CERS3: variants seen among roughly 807,000 people sequenced by gnomAD.
The protein encoded by CERS3 is ceramide synthase 3.
In CERS3, 33 loss-of-function variants were observed where a neutral mutation model predicts 50.3. The ratio of observed to expected loss-of-function variants is 0.66; its 90% CI spans 0.50 to 0.88. The LOEUF is 0.88. Among genes scored for constraint, CERS3 ranks in the 40% least tolerant of loss-of-function variants. The pLI is 0.00. For synonymous variants in CERS3, 176 were observed against 155.2 expected (o/e 1.13, Z -0.99); for missense variants, 470 against 460.3 (o/e 1.02, Z -0.19).
chr15:100,518,333 GAGAGAGAAGGAC>G lies in CERS3; in HGVS notation c.-2+3322_-2+3333del, dbSNP rs916654724. 1.9e-4 allele frequency among the ~76,000 whole-genome samples: 29 copies of G among 152,124 alleles called. 1 individual carries two copies. Among genetic ancestry groups the G allele is most frequent in the Non-Finnish European group, 5.9e-5 (4 of 68,030 alleles). On this transcript the variant is annotated intron_variant, in intron 2 of 11. Coordinates refer to ENST00000679737, the MANE Select transcript of CERS3 (RefSeq NM_001378789.1). Reference sequence around the variant, plus strand: ...TGAGAGAGAGAGACAGGGACACAGAGAGAGAGAAGGACAGAGAGAGAGAGAGCATGGCTCATA... The same window carrying G: ...TGAGAGAGAGAGACAGGGACACAGAGAGAGAGAGAGAGAGCATGGCTCATA...
intron 11 of CERS3, among the ~76,000 whole-genome samples, chr15:100,449,328 ATTG>A (rs1335814937): frequency 2.6e-5 from 4 of 152,164 alleles, no homozygotes; most frequent in African/African-American, 9.7e-5. Context: ...GAGCCAGAGG[ATTG>A]TTAAGTGACT....
rs137966802 is a variant in CERS3 at position 100,424,475 on chromosome 15, TG to T, written c.1000-21611del. ...AAAATGCTCATAGTGATAGGGACAGTGAAGTCCAAGCTGAGGAGGTCTCAGA... is the reference window on the plus strand; with the variant it reads ...AAAATGCTCATAGTGATAGGGACAGTAAGTCCAAGCTGAGGAGGTCTCAGA... On this transcript the variant is annotated intron_variant, in intron 11 of 11. Transcript: ENST00000679737. 5.2e-3 allele frequency among the ~76,000 whole-genome samples: 793 copies of T among 152,236 alleles called. 7 individuals are homozygous for T. The highest frequency in any genetic ancestry group is 0.018 in the African/African-American group (759 of 41,540).
chr15:100,443,713 T>TA (rs1421036101), intron 11 of CERS3, among the ~76,000 whole-genome samples: 4 of 147,670 alleles, frequency 2.7e-5, no homozygotes, highest in African/African-American at 9.9e-5. Context: ...CCTTACCTGT[T>TA]ACCTATCTTA....
chr15:100,449,266 T>C (rs1275743049), intron 11 of CERS3, among the ~76,000 whole-genome samples: 2 of 152,244 alleles, frequency 1.3e-5, no homozygotes, highest in African/African-American at 4.8e-5. Context: ...GCCTGGGGAC[T>C]GGCCGTCCTA....
intron 4 of CERS3, among the ~76,000 whole-genome samples, 200 bp downstream of exon 4, chr15:100,490,617 G>A (rs1308896087): frequency 6.6e-6 from 1 of 152,096 alleles, no homozygotes; most frequent in African/African-American, 2.4e-5. Context: ...GTTAATATTT[G>A]TTATTTTATA....
chr15:100,506,953 CA>C (rs1244035046), intron 2 of CERS3, among the ~76,000 whole-genome samples: 1 of 151,906 alleles, frequency 6.6e-6, no homozygotes, highest in Non-Finnish European at 1.5e-5. Context: ...ATTATACCTC[CA>C]AAAAAATAAA....
chr15:100,508,721 T>C (rs2036254821), intron 2 of CERS3, among the ~76,000 whole-genome samples: 1 of 152,202 alleles, frequency 6.6e-6, no homozygotes, highest in Non-Finnish European at 1.5e-5. Flanking sequence ...AATTTAAAAA[T>C]AAACTCTGTT....
chr15:100,532,843 G>A (rs2036970981), upstream of CERS3, among the ~76,000 whole-genome samples: 1 of 152,162 alleles, frequency 6.6e-6, no homozygotes, highest in African/African-American at 2.4e-5. Context: ...CCACTACACT[G>A]GGAATTCTCA....
rs1335617514 is a variant in CERS3, at chr15:100,483,784, A to ATTTTTTTTTTT, written c.407+765_407+766insAAAAAAAAAAA. ...ATCAATAATAATAATAATTATTATT[A>ATTTTTTTTTTT]TTATTTTTTTTTTTGAGACAGAGTC... On this transcript the variant is annotated intron_variant, in intron 5 of 11. Transcript: ENST00000679737. Among the ~76,000 whole-genome samples the ATTTTTTTTTTT allele has an allele frequency of 3.7e-4, 33 of 89,410 alleles. No individual in the cohort carries two copies. In the East Asian group the frequency reaches 5.8e-3, roughly 16 times the overall value. 58.7% of individuals were successfully genotyped at this position (89,410 alleles called of 152,430 possible). A position where few individuals can be genotyped will look rare whatever the true frequency, so the allele number is the denominator to read the frequency against.
intron 10 of CERS3, among the ~76,000 whole-genome samples, chr15:100,459,815 C>T (rs2034491646): frequency 6.6e-6 from 1 of 152,058 alleles, no homozygotes; most frequent in Non-Finnish European, 1.5e-5. Context: ...TAACAGAGTA[C>T]TGTTTATATT....
Position 100,402,854 on chromosome 15 carries a change from A to G in CERS3, c.1011T>C (p.Asp337=). Residue 337 remains aspartate, a synonymous_variant, in exon 12 of 12, where the codon GAT becomes GAC. Coordinates refer to ENST00000679737, the MANE Select transcript of CERS3 (RefSeq NM_001378789.1). ...NRCIFMKSIQ[D]VRSDDEDYEE... The stretch of plus-strand genomic sequence containing the variant: ...CATAATCCTCGTCATCACTCCTCAC[A>G]TCCTGGATGCTCTAGACAAAGGAAA... 1 of 1,600,024 alleles carries G rather than the reference A, an allele frequency of 6.2e-7. No individual in the cohort carries two copies.
rs141719767 is a variant in CERS3 at position 100,506,946 on chromosome 15, A to C, written c.-1-5096T>G. ...GGGTGAATTGCATGGTATGTAAATT[A>C]TACCTCCAAAAAAATAAAAAAGTTA... On this transcript the variant is annotated intron_variant, in intron 2 of 11. Coordinates refer to ENST00000679737, the MANE Select transcript of CERS3 (RefSeq NM_001378789.1). 1.3e-3 allele frequency among the ~76,000 whole-genome samples: 195 copies of C among 152,342 alleles called. 1 individual carries two copies. The highest frequency in any genetic ancestry group is 4.2e-3 in the African/African-American group (176 of 41,578).
At chr15:100,498,819 G>A (rs2035909499) in intron 3 of CERS3, among the ~76,000 whole-genome samples, 1 of 152,228 alleles carries the variant, frequency 6.6e-6, no homozygotes, top group Non-Finnish European at 1.5e-5. Context: ...ATTGGCATAA[G>A]ATTGATTCCC....
At position 100,542,963 on chromosome 15, in the gene CERS3, G is replaced by C. The variant is rs1438895813; in HGVS notation, c.-355+1688C>G. Among the ~76,000 whole-genome samples the C allele has an allele frequency of 2.0e-5, 3 of 152,124 alleles. No individual in the cohort carries two copies. The East Asian group carries it at 5.8e-4, about 29-fold the overall frequency. ...GAGTCTTGCTCTGTCACCCAGGCCGGAGTGCAGTAGTAGGATCTCAGCTCA... is the reference window on the plus strand; with the variant it reads ...GAGTCTTGCTCTGTCACCCAGGCCGCAGTGCAGTAGTAGGATCTCAGCTCA... On this transcript the variant is annotated intron_variant, in intron 1 of 12. Transcript: ENST00000284382.
intron 8 of CERS3, among the ~76,000 whole-genome samples, chr15:100,473,734 T>C (rs1323879235): frequency 6.6e-6 from 1 of 152,212 alleles, no homozygotes; most frequent in Non-Finnish European, 1.5e-5. Flanking sequence ...TGTTAAACAG[T>C]CTGACAGTTT....
chr15:100,511,648 T>C (rs1428333355), intron 2 of CERS3, among the ~76,000 whole-genome samples: 3 of 18,530 alleles, frequency 1.6e-4, no homozygotes, highest in African/African-American at 1.1e-4. Context: ...GGAGCCTGGG[T>C]TTCCATTAAT....
chr15:100,413,393 A>C (rs371149222), intron 11 of CERS3, among the ~76,000 whole-genome samples: 2 of 152,192 alleles, frequency 1.3e-5, no homozygotes, highest in African/African-American at 4.8e-5. Flanking sequence ...AATATTCAAG[A>C]TACACAAAGA....
intron 11 of CERS3, among the ~76,000 whole-genome samples, chr15:100,434,535 G>A (rs1331871511): frequency 1.3e-5 from 2 of 152,218 alleles, no homozygotes; most frequent in Non-Finnish European, 2.9e-5. Flanking sequence ...TCAGGAATAA[G>A]GTTTCTTTTG....
chr15:100,415,779 A>G (rs1034894314), intron 11 of CERS3, among the ~76,000 whole-genome samples: 1 of 134,952 alleles, frequency 7.4e-6, no homozygotes, highest in Non-Finnish European at 1.6e-5. Flanking sequence ...AACACACACC[A>G]GGGCCTGTCG....
Sources: gnomAD v4.1 joint callset for allele counts (sites outside exome capture counted in the v4.1 genomes callset) on GRCh38, gnomAD v4.1.1 for gene constraint, MANE v1.5 for transcripts, NCBI Gene and HGNC (gene_info 2026-07-23, HGNC 2026-07-21) for gene names.